GATAD2B: variants seen among roughly 807,000 people sequenced by gnomAD.
The protein encoded by GATAD2B is GATA zinc finger domain containing 2B, also known as transcriptional repressor p66-beta.
A neutral mutation model predicts 64.3 loss-of-function variants in GATAD2B; 8 were observed. The ratio of observed to expected loss-of-function variants is 0.12; its 90% CI spans 0.07 to 0.22. The LOEUF is 0.22. GATAD2B is among the 10% of genes least tolerant of loss of function. GATAD2B has a pLI of 1.00. For missense variants in GATAD2B, 453 were observed against 752.0 expected (o/e 0.60, Z 4.65); for synonymous variants, 281 against 271.3 (o/e 1.04, Z -0.35).
At chr1:153,847,548 TA>T (rs971104313) in intron 1 of GATAD2B, among the ~76,000 whole-genome samples, 1 of 152,180 alleles carries the variant, frequency 6.6e-6, no homozygotes, top group Non-Finnish European at 1.5e-5. Flanking sequence ...GAGCCCGGCC[TA>T]ATTTTCATTC....
At chr1:153,829,519 C>G (rs767103372) in intron 1 of GATAD2B, among the ~76,000 whole-genome samples, 1 of 151,502 alleles carries the variant, frequency 6.6e-6, no homozygotes, top group Non-Finnish European at 1.5e-5. Context: ...GGGTGGATCA[C>G]GAGGTCAGGA....
rs112411734 is a variant in GATAD2B, at chr1:153,817,645, G to A, written c.730-103C>T. Reference sequence around the variant, plus strand: ...AACACTGCCTATAATACATAGCTAAGTAGAAACACAGGAACACAGCCAGAC... The same window carrying A: ...AACACTGCCTATAATACATAGCTAAATAGAAACACAGGAACACAGCCAGAC... On this transcript the variant is annotated intron_variant, in intron 5 of 10. Coordinates refer to ENST00000368655, the MANE Select transcript of GATAD2B (RefSeq NM_020699.4). The A allele has an allele frequency of 2.6e-3, 1,911 of 722,026 alleles. 7 individuals carry two copies. The highest frequency in any genetic ancestry group is 0.016 in the Middle Eastern group (54 of 3,280). 44.7% of individuals were successfully genotyped at this position (722,026 alleles called of 1,614,324 possible). A position where few individuals can be genotyped will look rare whatever the true frequency, so the allele number is the denominator to read the frequency against.
At chr1:153,860,472 C>T (rs1365305411) in intron 1 of GATAD2B, among the ~76,000 whole-genome samples, 1 of 151,800 alleles carries the variant, frequency 6.6e-6, no homozygotes, top group Non-Finnish European at 1.5e-5. Context: ...AGAGCTAGGA[C>T]TACAGGTGCG....
intron 7 of GATAD2B, among the ~76,000 whole-genome samples, chr1:153,815,873 T>C (rs913559401): frequency 9.9e-5 from 15 of 152,066 alleles, no homozygotes; most frequent in African/African-American, 3.6e-4. Flanking sequence ...GCCAACATGA[T>C]GAAACCCCGT....
At chr1:153,835,762 G>A (rs551033808) in intron 1 of GATAD2B, among the ~76,000 whole-genome samples, 73 of 151,938 alleles carry the variant, frequency 4.8e-4, no homozygotes, top group Admixed American at 2.0e-4. Context: ...TTGCTCTGTC[G>A]TCCAGGCTGG....
chr1:153,844,009 C>T (rs897891845), intron 1 of GATAD2B, among the ~76,000 whole-genome samples: 6 of 151,986 alleles, frequency 3.9e-5, no homozygotes, highest in African/African-American at 1.4e-4. Context: ...GAGGCACAGC[C>T]TGAGAAACTC....
At position 153,816,188 on chromosome 1, in the gene GATAD2B, T is replaced by A; in HGVS notation, c.1216+85A>T. On this transcript the variant is annotated intron_variant, in intron 7 of 10. Coordinates refer to ENST00000368655, the MANE Select transcript of GATAD2B (RefSeq NM_020699.4). This position sits in a 1 kb window ranked among gnomAD's most constrained non-coding sequence, Gnocchi z 4.9. ...AGGAAGGAGAAGTTATTTAATATTG[T>A]ACAGTACCCTCTGATACTCTGCCTA... 1 of 856,830 alleles carries A rather than the reference T, an allele frequency of 1.2e-6. No individual in the cohort carries two copies. Among genetic ancestry groups the A allele is most frequent in the Non-Finnish European group, 1.9e-6 (1 of 515,326 alleles). The allele number at this position is 856,830 out of a possible 1,614,324, so 53.1% of individuals were successfully genotyped here.
intron 1 of GATAD2B, among the ~76,000 whole-genome samples, chr1:153,892,486 T>C (rs375287018): frequency 1.3e-5 from 2 of 152,216 alleles, no homozygotes; most frequent in East Asian, 3.9e-4. Flanking sequence ...TAGAACTCTC[T>C]AGACTGTAGA....
At chr1:153,847,278 T>A (rs186885056) in intron 1 of GATAD2B, among the ~76,000 whole-genome samples, 6 of 152,354 alleles carry the variant, frequency 3.9e-5, no homozygotes, top group Non-Finnish European at 7.3e-5. Context: ...GGAACTTCTA[T>A]TTTTAATGTC....
chr1:153,882,760 T>C (rs192728172), intron 1 of GATAD2B, among the ~76,000 whole-genome samples: 156 of 152,310 alleles, frequency 1.0e-3, no homozygotes, highest in African/African-American at 3.6e-3. Context: ...TGTCATTCTA[T>C]AGACAAATCC....
chr1:153,838,485 C>A (rs1675353160), intron 1 of GATAD2B, among the ~76,000 whole-genome samples: 1 of 151,902 alleles, frequency 6.6e-6, no homozygotes, highest in Admixed American at 6.6e-5. Context: ...CAGCTCACTG[C>A]AAAGAGACGC....
At chr1:153,819,083 T>C (rs1182259065) in intron 3 of GATAD2B, among the ~76,000 whole-genome samples, 161 bp from the exon 4 acceptor site, 1 of 152,256 alleles carries the variant, frequency 6.6e-6, no homozygotes, top group Non-Finnish European at 1.5e-5. Context: ...GCACAGTGCC[T>C]GGCATTCAGT....
intron 1 of GATAD2B, 81 bp from the exon 2 acceptor site, chr1:153,828,429 A>G: frequency 5.5e-6 from 5 of 902,778 alleles, no homozygotes; most frequent in Non-Finnish European, 8.4e-6. Context: ...TGGTGAAGTT[A>G]TTAACAAGAA....
intron 7 of GATAD2B, among the ~76,000 whole-genome samples, chr1:153,815,081 CAAAAAAAAAAA>C (rs58874063): frequency 3.5e-4 from 9 of 25,374 alleles, no homozygotes; most frequent in African/African-American, 9.3e-4. Flanking sequence ...GACTCTGTCT[CAAAAAAAAAAA>C]AAAAAAAAAA....
intron 1 of GATAD2B, among the ~76,000 whole-genome samples, chr1:153,855,404 T>C (rs1286714028): frequency 2.6e-5 from 4 of 151,990 alleles, no homozygotes; most frequent in Non-Finnish European, 2.9e-5. Flanking sequence ...AATTTTTGTA[T>C]TTTTAGTAGA....
At chr1:153,897,786 T>G (rs1024807648) in intron 1 of GATAD2B, among the ~76,000 whole-genome samples, 1 of 152,102 alleles carries the variant, frequency 6.6e-6, no homozygotes, top group African/African-American at 2.4e-5. Context: ...TTAAAAAAAT[T>G]TTTTTAAAGA....
At chr1:153,837,905 T>C (rs1289000510) in intron 1 of GATAD2B, among the ~76,000 whole-genome samples, 2 of 152,218 alleles carry the variant, frequency 1.3e-5, no homozygotes, top group African/African-American at 2.4e-5. Context: ...ATCCTAATAA[T>C]AACAAATACT....
chr1:153,862,258 C>T (rs1386135319), intron 1 of GATAD2B, among the ~76,000 whole-genome samples: 1 of 150,442 alleles, frequency 6.6e-6, no homozygotes, highest in Non-Finnish European at 1.5e-5. Flanking sequence ...GAGTACCTGA[C>T]GTTACAGGCT....
chr1:153,852,500 T>C lies in GATAD2B; in HGVS notation c.-1-24152A>G, dbSNP rs1386602191. On this transcript the variant is annotated intron_variant, in intron 1 of 10. Transcript: ENST00000368655. ...CAAGAGTACGTGACTCGATGTGCTC[T>C]GCACAGTGGGACTCATCAGTATCAT... is the stretch of plus-strand genomic sequence containing the variant. The C allele has an allele frequency of 1.8e-5, 14 of 764,560 alleles. 1 individual carries two copies. The South Asian group carries it at 1.9e-4, about 10-fold the overall frequency. The allele number at this position is 764,560 out of a possible 1,614,324, so 47.4% of individuals were successfully genotyped here. A position where few individuals can be genotyped will look rare whatever the true frequency, so the allele number is the denominator to read the frequency against.
Sources: gnomAD v4.1 joint callset for allele counts (sites outside exome capture counted in the v4.1 genomes callset) on GRCh38, gnomAD v4.1.1 for gene constraint, Gnocchi (gnomAD v3.1) non-coding constraint, MANE v1.5 for transcripts, NCBI Gene and HGNC (gene_info 2026-07-23, HGNC 2026-07-21) for gene names.